MAP1A: variants seen among roughly 807,000 people sequenced by gnomAD.
MAP1A encodes microtubule-associated protein 1A.
In MAP1A, 42 loss-of-function variants were observed where a neutral mutation model predicts 185.9. The observed-to-expected ratio is 0.23, with a 90% CI of 0.18 to 0.29. The LOEUF (loss-of-function observed/expected upper bound fraction) is 0.29. MAP1A is among the 10% of genes least tolerant of loss of function. The pLI, the probability that MAP1A is intolerant of heterozygous loss-of-function variation, is 1.00. For missense variants in MAP1A, 2,995 were observed against 3,450.4 expected (o/e 0.87, Z 3.31); for synonymous variants, 1,229 against 1,335.9 (o/e 0.92, Z 1.74).
intron 1 of MAP1A, among the ~76,000 whole-genome samples, chr15:43,518,486 T>C (rs1248708276): frequency 6.6e-6 from 1 of 151,928 alleles, no homozygotes; most frequent in Non-Finnish European, 1.5e-5. Context: ...GCCAGTTTCT[T>C]CTCTCTCTCT....
At position 43,526,234 on chromosome 15, in the gene MAP1A, G is replaced by T; in HGVS notation, c.4761G>T (p.Glu1587Asp). Residue 1587 changes from glutamate (E) to aspartate (D), a missense_variant, in exon 4 of 6, where the codon GAG becomes GAT. By Grantham distance (45) the Glu-to-Asp change is conservative (BLOSUM62 2). Coordinates refer to ENST00000300231, the MANE Select transcript of MAP1A (RefSeq NM_002373.6). The surrounding 1 kb of genome is among the most constrained non-coding windows in gnomAD (Gnocchi z 4.7). Reference sequence around the variant, plus strand: ...AGGAGCAGGAGAGCCTAGTGCAGGAGGATAAAACCAGGAAACCAAAGATGC... The same window carrying T: ...AGGAGCAGGAGAGCCTAGTGCAGGATGATAAAACCAGGAAACCAAAGATGC... ...QTQEQESLVQ[E>D]DKTRKPKMLE... 1 of 1,614,126 alleles carries T rather than the reference G, an allele frequency of 6.2e-7. No individual in the cohort carries two copies. Among genetic ancestry groups the T allele is most frequent in the Non-Finnish European group, 8.5e-7 (1 of 1,180,024 alleles).
upstream of MAP1A, among the ~76,000 whole-genome samples, chr15:43,515,072 G>A (rs1370349964): frequency 1.3e-5 from 2 of 152,054 alleles, no homozygotes; most frequent in Non-Finnish European, 1.5e-5. Flanking sequence ...AAAATTAGCC[G>A]AGGGTGGTGG....
At chr15:43,512,299 CTAA>C in intron 2 of MAP1A, 4 of 1,511,974 alleles carry the variant, frequency 2.6e-6, no homozygotes, top group Non-Finnish European at 3.6e-6. Flanking sequence ...AAGGTTAGGA[CTAA>C]TGTTTTATTT....
chr15:43,522,685 C>T lies in MAP1A; in HGVS notation c.1212C>T (p.His404=), dbSNP rs752922055. ...KLIKDKVGKK[H]LKEKISKLEE... ...TCAAAGACAAGGTAGGGAAAAAGCA[C>T]CTTAAAGAAAAGATATCAAAGCTGG... The change falls in exon 4 of 6, where the codon CAC becomes CAT. Residue 404 remains histidine, a synonymous_variant. Transcript: ENST00000300231. This position sits in a 1 kb window ranked among gnomAD's most constrained non-coding sequence, Gnocchi z 5.9. 2 of 1,607,806 alleles carry T rather than the reference C, an allele frequency of 1.2e-6. No individual in the cohort carries two copies. The highest frequency in any genetic ancestry group is 2.2e-5 in the South Asian group (2 of 90,410).
rs1258214703 is a variant in MAP1A at position 43,522,817 on chromosome 15, G to A, written c.1344G>A (p.Lys448=). The change falls in exon 4 of 6, where the codon AAG becomes AAA. Residue 448 remains lysine (K), a synonymous_variant. Coordinates refer to ENST00000300231, the MANE Select transcript of MAP1A (RefSeq NM_002373.6). This position sits in a 1 kb window ranked among gnomAD's most constrained non-coding sequence, Gnocchi z 5.9. ...EEKKDAKKEE[K]RKDTKPELKK... is the part of the protein sequence containing the mutation. ...AGAAGGATGCCAAGAAGGAGGAGAA[G>A]AGGAAAGATACCAAACCTGAGCTCA... is the stretch of plus-strand genomic sequence containing the variant. 1.9e-6 allele frequency: 3 copies of A among 1,587,306 alleles called. No individual in the cohort carries two copies. Among genetic ancestry groups the A allele is most frequent in the South Asian group, 1.1e-5 (1 of 87,800 alleles).
At position 43,526,856 on chromosome 15, in the gene MAP1A, A is replaced by T. The variant is rs758619468; in HGVS notation, c.5383A>T (p.Ile1795Phe). 2 of 1,614,026 alleles carry T rather than the reference A, an allele frequency of 1.2e-6. No individual in the cohort carries two copies. Among genetic ancestry groups the T allele is most frequent in the East Asian group, 2.2e-5 (1 of 44,876 alleles). Residue 1795 changes from isoleucine to phenylalanine, a missense_variant, in exon 4 of 6, where the codon ATC (isoleucine) becomes TTC (phenylalanine). Physicochemically the swap from Ile to Phe is conservative, Grantham distance 21 (BLOSUM62 0). Around this residue, in one of 3 missense-constraint regions of MAP1A, gnomAD observed 2,728 missense variants for 2,986.0 expected, o/e 0.91. Coordinates refer to ENST00000300231, the MANE Select transcript of MAP1A (RefSeq NM_002373.6). This position sits in a 1 kb window ranked among gnomAD's most constrained non-coding sequence, Gnocchi z 4.7. ...CAAACTGACCCGCTCTCCCTTTGAG[A>T]TCATCTCCCCTCCAGCTTCCCCACC... ...EDKLTRSPFE[I>F]ISPPASPPEM...
In MAP1A at chr15:43,522,579, A is replaced by G. The variant is rs1260507894; in HGVS notation, c.1106A>G (p.Lys369Arg). The change falls in exon 4 of 6, where the codon AAG becomes AGG. Residue 369 changes from lysine to arginine, a missense_variant. Physicochemically the swap from Lys to Arg is conservative, Grantham distance 26. Coordinates refer to ENST00000300231, the MANE Select transcript of MAP1A (RefSeq NM_002373.6). This position sits in a 1 kb window ranked among gnomAD's most constrained non-coding sequence, Gnocchi z 5.9. ...TEKKAKESSEKPPEKPAKPER... is the reference protein window; with the variant it reads ...TEKKAKESSERPPEKPAKPER... Reference sequence around the variant, plus strand: ...AAGAAGGCAAAAGAGTCATCTGAGAAGCCCCCAGAGAAGCCTGCCAAGCCT... The same window carrying G: ...AAGAAGGCAAAAGAGTCATCTGAGAGGCCCCCAGAGAAGCCTGCCAAGCCT... 4 of 1,611,704 alleles carry G rather than the reference A, an allele frequency of 2.5e-6. No individual in the cohort carries two copies. Among genetic ancestry groups the G allele is most frequent in the Non-Finnish European group, 3.4e-6 (4 of 1,178,802 alleles).
At position 43,529,416 on chromosome 15, in the gene MAP1A, G is replaced by A. The variant is rs570741917; in HGVS notation, c.7943G>A (p.Arg2648His). Residue 2648 changes from arginine (R) to histidine (H), a missense_variant, in exon 4 of 6, where the codon CGC (arginine) becomes CAC (histidine). Coordinates refer to ENST00000300231, the MANE Select transcript of MAP1A (RefSeq NM_002373.6). The surrounding 1 kb of genome is among the most constrained non-coding windows in gnomAD (Gnocchi z 4.3). ...DRASRAPPRP[R>H]STTSQVTPAE... ...GCATCCCGGGCCCCACCTCGACCAC[G>A]CAGCACCACAAGCCAGGTCACCCCA... 16 of 1,613,826 alleles carry A rather than the reference G, an allele frequency of 9.9e-6. No individual in the cohort carries two copies. Among genetic ancestry groups the A allele is most frequent in the Middle Eastern group, 1.6e-4 (1 of 6,062 alleles).
intron 1 of MAP1A, 109 bp from the exon 2 acceptor site, chr15:43,520,532 A>G: frequency 1.3e-6 from 1 of 761,602 alleles, no homozygotes; most frequent in African/African-American, 1.7e-5. Flanking sequence ...GGGCCTAAGG[A>G]TACCTTCTCT....
chr15:43,528,603 C>G lies in MAP1A; in HGVS notation c.7130C>G (p.Ala2377Gly). 6.2e-7 allele frequency: 1 copy of G among 1,614,084 alleles called. No homozygotes were observed. The highest frequency in any genetic ancestry group is 8.5e-7 in the Non-Finnish European group (1 of 1,180,028). Residue 2377 changes from alanine (A) to glycine (G), a missense_variant, in exon 4 of 6, where the codon GCT (alanine) becomes GGT (glycine). By Grantham distance (60) the Ala-to-Gly change is moderately conservative (BLOSUM62 0). Around this residue, in one of 3 missense-constraint regions of MAP1A, gnomAD observed 2,728 missense variants for 2,986.0 expected, o/e 0.91. Coordinates refer to ENST00000300231, the MANE Select transcript of MAP1A (RefSeq NM_002373.6). ...CCCCCAGGCCCTGCCCCAGCCAAGG[C>G]TGAAAATGAAGAGGCTGCGGCTTGC... Reference protein sequence around the residue: ...PNPPGPAPAKAENEEAAACPA... With the variant: ...PNPPGPAPAKGENEEAAACPA...
At position 43,529,953 on chromosome 15, in the gene MAP1A, A is replaced by C; in HGVS notation, c.8256+83A>C. The C allele has an allele frequency of 6.4e-7, 1 of 1,557,262 alleles. No homozygotes were observed. Among genetic ancestry groups the C allele is most frequent in the Non-Finnish European group, 8.8e-7 (1 of 1,135,532 alleles). On this transcript the variant is annotated intron_variant, in intron 5 of 5. Coordinates refer to ENST00000300231, the MANE Select transcript of MAP1A (RefSeq NM_002373.6). The surrounding 1 kb of genome is among the most constrained non-coding windows in gnomAD (Gnocchi z 4.3). ...GTGGAACACAGTCCCTATTTATTAA[A>C]GGATGGGCCTTTTCTAAGGGCAGCA...
Position 43,528,617 on chromosome 15 carries a change from G to T in MAP1A, c.7144G>T (p.Ala2382Ser). The T allele has an allele frequency of 6.2e-7, 1 of 1,613,648 alleles. No individual in the cohort carries two copies. Among genetic ancestry groups the T allele is most frequent in the Non-Finnish European group, 8.5e-7 (1 of 1,179,952 alleles). The change falls in exon 4 of 6, where the codon GCT becomes TCT. Residue 2382 changes from alanine to serine, a missense_variant. Transcript: ENST00000300231. ...PAPAKAENEEAAACPAWERGA... is the reference protein window; with the variant it reads ...PAPAKAENEESAACPAWERGA... Reference sequence around the variant, plus strand: ...CCCAGCCAAGGCTGAAAATGAAGAGGCTGCGGCTTGCCCTGCCTGGGAACG... The same window carrying T: ...CCCAGCCAAGGCTGAAAATGAAGAGTCTGCGGCTTGCCCTGCCTGGGAACG...
chr15:43,526,933 C>G lies in MAP1A; in HGVS notation c.5460C>G (p.Ile1820Met), dbSNP rs536586921. Residue 1820 changes from isoleucine (I) to methionine (M), a missense_variant, in exon 4 of 6, where the codon ATC becomes ATG. Ile to Met is a conservative substitution (Grantham distance 10, BLOSUM62 1). Transcript: ENST00000300231. This position sits in a 1 kb window ranked among gnomAD's most constrained non-coding sequence, Gnocchi z 4.7. ...CAGCCCCAGGACAAGAGAGTCCTATCCCAGACCCTAAGCTCATGCCACACA... is the reference window on the plus strand; with the variant it reads ...CAGCCCCAGGACAAGAGAGTCCTATGCCAGACCCTAAGCTCATGCCACACA... ...VPSAPGQESP[I>M]PDPKLMPHMK... 3 of 1,614,000 alleles carry G rather than the reference C, an allele frequency of 1.9e-6. No homozygotes were observed. In the South Asian group the frequency reaches 3.3e-5, roughly 18 times the overall value.
In MAP1A at chr15:43,526,700, C is replaced by A. The variant is rs201586108; in HGVS notation, c.5227C>A (p.Arg1743=). The change falls in exon 4 of 6, where the codon CGG becomes AGG. Residue 1743 remains arginine (R), a synonymous_variant. Coordinates refer to ENST00000300231, the MANE Select transcript of MAP1A (RefSeq NM_002373.6). This position sits in a 1 kb window ranked among gnomAD's most constrained non-coding sequence, Gnocchi z 4.7. ...AGATGATGAGCAAGAAGTACCCCTG[C>A]GGGAACACGCAACCCGGAGCCCCTG... ...GPDDEQEVPL[R]EHATRSPWAS... The A allele has an allele frequency of 3.1e-6, 5 of 1,613,816 alleles. No individual in the cohort carries two copies. The Admixed American group carries it at 8.3e-5, about 27-fold the overall frequency.
At chr15:43,514,016 C>G (rs553934309), upstream of MAP1A, among the ~76,000 whole-genome samples, 7 of 152,182 alleles carry the variant, frequency 4.6e-5, no homozygotes, top group African/African-American at 1.7e-4. Flanking sequence ...GAAGTTAAAC[C>G]AAAGTACTTA....
upstream of MAP1A, among the ~76,000 whole-genome samples, chr15:43,515,989 G>A (rs995965204): frequency 6.6e-6 from 1 of 152,176 alleles, no homozygotes; most frequent in Non-Finnish European, 1.5e-5. Flanking sequence ...GAGAATATGG[G>A]TGGGCTCTGT....
At position 43,519,662 on chromosome 15, in the gene MAP1A, C is replaced by T. The variant is rs117664379; in HGVS notation, c.-374-979C>T. On this transcript the variant is annotated intron_variant, in intron 1 of 5. Coordinates refer to ENST00000300231, the MANE Select transcript of MAP1A (RefSeq NM_002373.6). The stretch of plus-strand genomic sequence containing the variant: ...TTCTGTCTCATTTGCCACTTTCTTT[C>T]TTTGCTGAATTGTTTGGTGTTTCAT... Among the ~76,000 whole-genome samples the T allele has an allele frequency of 3.1e-3, 478 of 152,308 alleles. 10 individuals are homozygous for T. The East Asian group carries it at 0.065, about 21-fold the overall frequency.
chr15:43,521,078 A>G lies in MAP1A; in HGVS notation c.-185A>G. 1 of 1,549,940 alleles carries G rather than the reference A, an allele frequency of 6.5e-7. No individual in the cohort carries two copies. The highest frequency in any genetic ancestry group is 1.4e-5 in the African/African-American group (1 of 73,172). The stretch of plus-strand genomic sequence containing the variant: ...ATCCTACAGAGTGGCACCTACTCAT[A>G]TGAAAACTTTGCCCAGGTCCTTCAC... On this transcript the variant is annotated 5_prime_UTR_variant, in exon 3 of 6. The change creates a new upstream start codon in the 5' untranslated region. Transcript: ENST00000300231. This position sits in a 1 kb window ranked among gnomAD's most constrained non-coding sequence, Gnocchi z 4.6.
intron 1 of MAP1A, among the ~76,000 whole-genome samples, chr15:43,511,393 G>T (rs1249684590): frequency 6.6e-6 from 1 of 152,102 alleles, no homozygotes; most frequent in African/African-American, 2.4e-5. Context: ...GTATCCTCTC[G>T]CTCTACTAAC....
Sources: allele counts gnomAD v4.1 joint callset (sites outside exome capture counted in the v4.1 genomes callset), GRCh38; gene constraint gnomAD v4.1.1; regional missense constraint gnomAD v4.1.1; non-coding constraint Gnocchi (gnomAD v3.1); transcripts MANE v1.5; gene names NCBI Gene and HGNC (gene_info 2026-07-23, HGNC 2026-07-21).